Variants in FOXP2 observed in about 807,000 individuals in gnomAD.
FOXP2 encodes the protein forkhead box P2, also known as forkhead box protein P2.
A neutral mutation model predicts 115.8 loss-of-function variants in FOXP2; 12 were observed. The ratio of observed to expected loss-of-function variants is 0.10; its 90% CI spans 0.07 to 0.17. The LOEUF is 0.17. Among genes scored for constraint, FOXP2 ranks in the 10% least tolerant of loss-of-function variants. The pLI, the probability that FOXP2 is intolerant of heterozygous loss-of-function variation, is 1.00. For synonymous variants in FOXP2, 328 were observed against 297.7 expected (o/e 1.10, Z -1.05); for missense variants, 629 against 843.5 (o/e 0.75, Z 3.15).
intron 2 of FOXP2, among the ~76,000 whole-genome samples, chr7:114,317,895 C>T (rs1452005915): frequency 6.6e-6 from 1 of 152,106 alleles, no homozygotes; most frequent in Non-Finnish European, 1.5e-5. Flanking sequence ...ATGCTCCCAC[C>T]TCGGGGCCTT....
At chr7:114,348,746 T>C (rs1184629687) in intron 2 of FOXP2, among the ~76,000 whole-genome samples, 12 of 152,076 alleles carry the variant, frequency 7.9e-5, no homozygotes. Flanking sequence ...TATGCTTAGG[T>C]GTTTGGAACT....
In FOXP2 at chr7:114,385,247, G is replaced by A. The variant is rs191010223; in HGVS notation, c.-10-41255G>A. On this transcript the variant is annotated intron_variant, in intron 2 of 17. Transcript: ENST00000634411. ...GCATAGAGCCTCCTTAGATCCCTTC[G>A]GAGATACAACTTGCTAGAGGAAATG... Among the ~76,000 whole-genome samples, 191 of 152,152 alleles carry A rather than the reference G, an allele frequency of 1.3e-3. 1 individual carries two copies. Among genetic ancestry groups the A allele is most frequent in the African/African-American group, 4.4e-3 (184 of 41,510 alleles).
At chr7:114,479,755 A>G (rs2129236339) in intron 2 of FOXP2, among the ~76,000 whole-genome samples, 1 of 151,664 alleles carries the variant, frequency 6.6e-6, no homozygotes, top group African/African-American at 2.4e-5. Context: ...AGAAATAAAT[A>G]TATAGTAAAT....
intron 2 of FOXP2, among the ~76,000 whole-genome samples, chr7:114,525,673 A>G (rs531432173): frequency 8.5e-5 from 13 of 152,100 alleles, no homozygotes; most frequent in Middle Eastern, 3.4e-3. Flanking sequence ...AGCTCTTTCC[A>G]TTTCCTACCT....
chr7:114,692,115 G>A lies in FOXP2; in HGVS notation c.*2189G>A. ...TGGGTATGGTGAAAGATGGTTTTCAGTCATCTAGGATCCTACTGTAAGGAT... is the reference window on the plus strand; with the variant it reads ...TGGGTATGGTGAAAGATGGTTTTCAATCATCTAGGATCCTACTGTAAGGAT... On this transcript the variant is annotated 3_prime_UTR_variant, in exon 17 of 17. Coordinates refer to ENST00000350908, the MANE Select transcript of FOXP2 (RefSeq NM_014491.4). 2.2e-6 allele frequency: 1 copy of A among 453,896 alleles called. No individual in the cohort carries two copies. The highest frequency in any genetic ancestry group is 1.6e-5 in the South Asian group (1 of 64,450). The allele number at this position is 453,896 out of a possible 1,614,324, so 28.1% of individuals were successfully genotyped here.
Position 114,479,657 on chromosome 7 carries a change from G to C in FOXP2, c.168+52978G>C, listed in dbSNP as rs147945029. Among the ~76,000 whole-genome samples the C allele has an allele frequency of 2.8e-3, 422 of 151,438 alleles. 3 individuals are homozygous for C. The highest frequency in any genetic ancestry group is 9.8e-3 in the African/African-American group (407 of 41,420). On this transcript the variant is annotated intron_variant, in intron 2 of 16. Coordinates refer to ENST00000350908, the MANE Select transcript of FOXP2 (RefSeq NM_014491.4). Reference sequence around the variant, plus strand: ...AGAGAAACTCTTTGAAAGTGTGTGTGTTTTAAAAATTTAATTTGTGAATTG... The same window carrying C: ...AGAGAAACTCTTTGAAAGTGTGTGTCTTTTAAAAATTTAATTTGTGAATTG...
Position 114,664,273 on chromosome 7 carries a change from G to T in FOXP2, c.1840G>T (p.Ala614Ser). The change falls in exon 16 of 17, where the codon GCT becomes TCT. Residue 614 changes from alanine (A) to serine (S), a missense_variant and splice_region_variant. Around this residue, in one of 9 missense-constraint regions of FOXP2, gnomAD observed 40 missense variants for 75.3 expected, o/e 0.53. Transcript: ENST00000350908. ...TTTTACACAATCTTCATTTCACTAGGCTGCCTTGGCAGAGAGCAGTTTACC... is the reference window on the plus strand; with the variant it reads ...TTTTACACAATCTTCATTTCACTAGTCTGCCTTGGCAGAGAGCAGTTTACC... ...YGAALNASLQ[A>S]ALAESSLPLL... The T allele has an allele frequency of 6.2e-7, 1 of 1,612,650 alleles. No individual in the cohort carries two copies.
At chr7:114,434,782 T>G (rs1373108215) in intron 2 of FOXP2, among the ~76,000 whole-genome samples, 1 of 152,138 alleles carries the variant, frequency 6.6e-6, no homozygotes, top group Non-Finnish European at 1.5e-5. Context: ...GTATTACATG[T>G]TTTATTAAAA....
intron 2 of FOXP2, among the ~76,000 whole-genome samples, chr7:114,400,047 G>A (rs577259116): frequency 1.3e-5 from 2 of 151,632 alleles, no homozygotes; most frequent in Non-Finnish European, 2.9e-5. Flanking sequence ...AGTAGAGACG[G>A]GGGGGTTTCA....
chr7:114,339,682 T>C (rs1038004213), intron 2 of FOXP2, among the ~76,000 whole-genome samples: 3 of 151,114 alleles, frequency 2.0e-5, no homozygotes, highest in Admixed American at 6.6e-5. Context: ...GGACATGTTA[T>C]AACTTTTTAA....
chr7:114,668,109 G>A (rs936383998), intron 16 of FOXP2: 8 of 152,028 alleles, frequency 5.3e-5, no homozygotes, highest in Non-Finnish European at 1.2e-4. Context: ...CATTTTACTT[G>A]GGGAATCTAA....
At chr7:114,193,944 T>C (rs1793830097) in intron 1 of FOXP2, among the ~76,000 whole-genome samples, 3 of 152,104 alleles carry the variant, frequency 2.0e-5, no homozygotes. Flanking sequence ...AGATGCAATG[T>C]GGGATAGAAA....
At chr7:114,482,258 C>A (rs1045189174) in intron 2 of FOXP2, among the ~76,000 whole-genome samples, 8 of 151,404 alleles carry the variant, frequency 5.3e-5, no homozygotes. Flanking sequence ...TACTCAATGC[C>A]TTGAGCAATA....
chr7:114,586,209 G>A (rs1790078754), intron 3 of FOXP2, among the ~76,000 whole-genome samples: 1 of 152,080 alleles, frequency 6.6e-6, no homozygotes, highest in South Asian at 2.1e-4. Context: ...AACTAATTAA[G>A]AACTATACTA....
intron 2 of FOXP2, among the ~76,000 whole-genome samples, chr7:114,363,810 TTGTGTATATA>T (rs908342739): frequency 7.9e-5 from 12 of 152,250 alleles, no homozygotes; most frequent in Middle Eastern, 3.4e-3. Flanking sequence ...CTGCTGATAT[TTGTGTATATA>T]TGTGTATTTA....
intron 1 of FOXP2, among the ~76,000 whole-genome samples, chr7:114,096,223 G>T (rs1246356578): frequency 6.6e-6 from 1 of 152,180 alleles, no homozygotes; most frequent in South Asian, 2.1e-4. Flanking sequence ...TAGCAGTGAT[G>T]TAAGCTTTCA....
chr7:114,544,921 G>A (rs1799843196), intron 3 of FOXP2, among the ~76,000 whole-genome samples: 1 of 152,132 alleles, frequency 6.6e-6, no homozygotes, highest in Non-Finnish European at 1.5e-5. Context: ...CACAGTCTTA[G>A]AGGATGTTTA....
intron 1 of FOXP2, among the ~76,000 whole-genome samples, chr7:114,202,298 A>G: frequency 6.6e-6 from 1 of 152,136 alleles, no homozygotes; most frequent in Non-Finnish European, 1.5e-5. Context: ...TGTAAGAAAT[A>G]TTTATTTAGT....
At chr7:114,113,178 C>T (rs868732836) in intron 1 of FOXP2, among the ~76,000 whole-genome samples, 7 of 151,512 alleles carry the variant, frequency 4.6e-5, no homozygotes, top group Non-Finnish European at 7.4e-5. Context: ...TTGGTGTTCA[C>T]GAACATGATC....
Sources: gnomAD v4.1 joint callset for allele counts (sites outside exome capture counted in the v4.1 genomes callset) on GRCh38, gnomAD v4.1.1 for gene constraint, gnomAD v4.1.1 regional missense constraint, MANE v1.5 for transcripts, NCBI Gene and HGNC (gene_info 2026-07-23, HGNC 2026-07-21) for gene names.